PDE11A: variants seen among roughly 807,000 people sequenced by gnomAD.
PDE11A encodes the protein phosphodiesterase 11A.
In PDE11A, 100 loss-of-function variants were observed where a neutral mutation model predicts 100.5. The observed-to-expected ratio is 1.00, with a 90% CI of 0.85 to 1.18. The LOEUF is 1.18. Among genes scored for constraint, PDE11A ranks in the 50% most tolerant of loss-of-function variants. The pLI, the probability that PDE11A is intolerant of heterozygous loss-of-function variation, is 0.00. For missense variants in PDE11A, 1,141 were observed against 1,152.6 expected (o/e 0.99, Z 0.15); for synonymous variants, 381 against 420.8 (o/e 0.91, Z 1.16).
chr2:177,784,731 A>G (rs912603382), intron 9 of PDE11A, among the ~76,000 whole-genome samples: 21 of 152,170 alleles, frequency 1.4e-4, no homozygotes, highest in Admixed American at 1.0e-3. Context: ...CTGAGTTCCA[A>G]TTTTGAGGTT....
intron 1 of PDE11A, among the ~76,000 whole-genome samples, chr2:178,024,570 T>C (rs368543995): frequency 1.1e-4 from 16 of 152,336 alleles, no homozygotes; most frequent in African/African-American, 3.8e-4. Flanking sequence ...TTTTTCAACA[T>C]CATATTAGCC....
At chr2:177,751,957 G>A (rs1299389461) in intron 10 of PDE11A, among the ~76,000 whole-genome samples, 2 of 152,154 alleles carry the variant, frequency 1.3e-5, no homozygotes, top group Admixed American at 1.3e-4. Flanking sequence ...GGGTTAAGGT[G>A]TTGCCTACAG....
At chr2:177,735,958 G>C (rs1462728975) in intron 10 of PDE11A, among the ~76,000 whole-genome samples, 1 of 152,146 alleles carries the variant, frequency 6.6e-6, no homozygotes. Context: ...CAAATGTTTG[G>C]GCCGTTTTCG....
At chr2:178,024,094 A>C (rs1171955322) in intron 1 of PDE11A, among the ~76,000 whole-genome samples, 1 of 152,154 alleles carries the variant, frequency 6.6e-6, no homozygotes, top group Non-Finnish European at 1.5e-5. Context: ...GGTAGGGTTA[A>C]GAACCACTGA....
intron 19 of PDE11A, among the ~76,000 whole-genome samples, chr2:177,641,844 A>T (rs2080149348): frequency 6.6e-6 from 1 of 152,218 alleles, no homozygotes; most frequent in African/African-American, 2.4e-5. Flanking sequence ...ATAATTATTT[A>T]TGTAGGTTAC....
At chr2:178,083,486 A>G (rs974818407) in intron 2 of PDE11A, among the ~76,000 whole-genome samples, 1 of 152,214 alleles carries the variant, frequency 6.6e-6, no homozygotes, top group African/African-American at 2.4e-5. Context: ...AAATTTTTTT[A>G]AAGTACTGCT....
chr2:177,678,954 TG>T (rs948134070), intron 16 of PDE11A, among the ~76,000 whole-genome samples: 11 of 149,766 alleles, frequency 7.3e-5, no homozygotes, highest in African/African-American at 2.7e-4. Context: ...AATACATCCT[TG>T]GGGGACAGTT....
chr2:178,018,303 C>A, intron 1 of PDE11A: 1 of 411,338 alleles, frequency 2.4e-6, no homozygotes, highest in Non-Finnish European at 4.8e-6. Context: ...GTCACTAAGA[C>A]TTTGAACAAG....
At chr2:178,007,436 A>G (rs1028037391) in intron 2 of PDE11A, among the ~76,000 whole-genome samples, 1 of 152,230 alleles carries the variant, frequency 6.6e-6, no homozygotes, top group African/African-American at 2.4e-5. Flanking sequence ...AAGTGAACAC[A>G]TAAAACACAA....
Position 177,980,173 on chromosome 2 carries a change from A to C in PDE11A, c.1071+34129T>G, listed in dbSNP as rs189835188. 2.5e-4 allele frequency among the ~76,000 whole-genome samples: 38 copies of C among 150,616 alleles called. 5 individuals are homozygous for C. Among genetic ancestry groups the C allele is most frequent in the South Asian group, 4.3e-4 (2 of 4,630 alleles). Reference sequence around the variant, plus strand: ...TGACATCCTAAAAAAAAAACGAAGAATACCAGCTAAGGAGAAATTTTAGGC... The same window carrying C: ...TGACATCCTAAAAAAAAAACGAAGACTACCAGCTAAGGAGAAATTTTAGGC... On this transcript the variant is annotated intron_variant, in intron 2 of 19. Coordinates refer to ENST00000286063, the MANE Select transcript of PDE11A (RefSeq NM_016953.4).
At chr2:177,820,784 T>C (rs994507638) in intron 6 of PDE11A, among the ~76,000 whole-genome samples, 1 of 151,980 alleles carries the variant, frequency 6.6e-6, no homozygotes, top group African/African-American at 2.4e-5. Context: ...TTATTATGTA[T>C]GTTGTCAAAT....
At chr2:177,963,109 T>A (rs2085656065) in intron 2 of PDE11A, among the ~76,000 whole-genome samples, 1 of 152,226 alleles carries the variant, frequency 6.6e-6, no homozygotes, top group Non-Finnish European at 1.5e-5. Flanking sequence ...GTAGGCTTTC[T>A]GTATCTATGT....
At chr2:177,788,898 T>C (rs1004498468) in intron 9 of PDE11A, among the ~76,000 whole-genome samples, 1 of 152,006 alleles carries the variant, frequency 6.6e-6, no homozygotes, top group African/African-American at 2.4e-5. Flanking sequence ...CAATAATCAA[T>C]AGCTTACCAA....
At chr2:177,639,632 T>C (rs2080109067) in intron 19 of PDE11A, among the ~76,000 whole-genome samples, 1 of 152,242 alleles carries the variant, frequency 6.6e-6, no homozygotes, top group Non-Finnish European at 1.5e-5. Flanking sequence ...CCATTATTCC[T>C]GGGCCTTTGT....
Position 177,887,105 on chromosome 2 carries a change from T to A in PDE11A, c.1302+10953A>T, listed in dbSNP as rs557193081. Among the ~76,000 whole-genome samples the A allele has an allele frequency of 7.9e-5, 12 of 152,272 alleles. No homozygotes were observed. In the South Asian group the frequency reaches 2.5e-3, roughly 32 times the overall value. On this transcript the variant is annotated intron_variant, in intron 4 of 19. Coordinates refer to ENST00000286063, the MANE Select transcript of PDE11A (RefSeq NM_016953.4). ...GAAATCTGAGCCACCAGAATAAGTCTTGGTTTTTGATTAGGGGTCAGGAAG... is the reference window on the plus strand; with the variant it reads ...GAAATCTGAGCCACCAGAATAAGTCATGGTTTTTGATTAGGGGTCAGGAAG...
chr2:177,909,110 CA>C (rs2084835788), intron 2 of PDE11A, among the ~76,000 whole-genome samples: 1 of 152,196 alleles, frequency 6.6e-6, no homozygotes, highest in Admixed American at 6.5e-5. Context: ...ATGTCACTTT[CA>C]TGAAATTTTC....
At chr2:178,052,997 C>T (rs940122181) in intron 1 of PDE11A, among the ~76,000 whole-genome samples, 58 of 152,280 alleles carry the variant, frequency 3.8e-4, no homozygotes, top group African/African-American at 1.3e-3. Context: ...AGAGGGAATC[C>T]TCCCTAACTC....
At chr2:177,643,493 T>C (rs945503889) in intron 19 of PDE11A, among the ~76,000 whole-genome samples, 2 of 152,176 alleles carry the variant, frequency 1.3e-5, no homozygotes, top group Non-Finnish European at 2.9e-5. Flanking sequence ...GGAAGAAATT[T>C]CTAAGCAGCA....
chr2:177,714,026 C>G (rs1299416209), intron 12 of PDE11A, among the ~76,000 whole-genome samples: 1 of 104,954 alleles, frequency 9.5e-6, no homozygotes, highest in Non-Finnish European at 1.8e-5. Flanking sequence ...CGGAGTCTCT[C>G]TCTGTCGCCC....
Sources: allele counts gnomAD v4.1 joint callset (sites outside exome capture counted in the v4.1 genomes callset), GRCh38; gene constraint gnomAD v4.1.1; transcripts MANE v1.5; gene names NCBI Gene and HGNC (gene_info 2026-07-23, HGNC 2026-07-21).